Variants in TRPM3 observed in about 807,000 individuals in gnomAD.
TRPM3 encodes the protein transient receptor potential cation channel subfamily M member 3.
Under a neutral mutation model 181.2 loss-of-function variants are expected in TRPM3, and 77 were observed. The ratio of observed to expected loss-of-function variants is 0.42; its 90% CI spans 0.35 to 0.51. The LOEUF (loss-of-function observed/expected upper bound fraction) is 0.51. Ranked by LOEUF, TRPM3 falls within the 20% of genes least tolerant of loss-of-function variation. The probability of loss-of-function intolerance (pLI) is 0.01; values close to 1 mark genes in which losing one functional copy is unlikely to be tolerated. For missense variants in TRPM3, 1,759 were observed against 2,196.7 expected (o/e 0.80, Z 3.98); for synonymous variants, 745 against 796.4 (o/e 0.94, Z 1.09).
At chr9:70,793,555 A>G (rs747259497) in intron 6 of TRPM3, 9 of 467,918 alleles carry the variant, frequency 1.9e-5, no homozygotes, top group Non-Finnish European at 3.5e-5. Context: ...ATACATACAT[A>G]TATATACCCC....
chr9:70,552,669 T>C (rs1327923181), intron 24 of TRPM3, among the ~76,000 whole-genome samples, 175 bp downstream of exon 24: 2 of 152,154 alleles, frequency 1.3e-5, no homozygotes, highest in East Asian at 1.9e-4. Context: ...CTTTCTGACA[T>C]TATTTCTCAT....
intron 6 of TRPM3, among the ~76,000 whole-genome samples, chr9:70,787,763 C>CTTTTTTTTTTTTTTTTTT: frequency 1.0e-4 from 7 of 68,560 alleles, no homozygotes; most frequent in South Asian, 8.4e-4. Context: ...TTTTTGGATT[C>CTTTTTTTTTTTTTTTTTT]TTTTTTTTTT....
chr9:70,834,292 C>T (rs2094151904), intron 5 of TRPM3, among the ~76,000 whole-genome samples: 1 of 152,194 alleles, frequency 6.6e-6, no homozygotes, highest in African/African-American at 2.4e-5. Context: ...TTGCACACTG[C>T]AGAGCAGCAC....
chr9:70,923,269 A>C (rs976905441), intron 1 of TRPM3, among the ~76,000 whole-genome samples: 19 of 152,138 alleles, frequency 1.2e-4, no homozygotes, highest in African/African-American at 4.6e-4. Flanking sequence ...GTTCATGTTC[A>C]CGTTTTATAC....
intron 22 of TRPM3, among the ~76,000 whole-genome samples, chr9:70,580,928 C>T (rs1247879677): frequency 6.6e-6 from 1 of 152,198 alleles, no homozygotes; most frequent in South Asian, 2.1e-4. Flanking sequence ...CAACTTCCTT[C>T]AAAACTGAGG....
At chr9:70,697,817 T>C (rs982793453) in intron 8 of TRPM3, among the ~76,000 whole-genome samples, 1 of 152,228 alleles carries the variant, frequency 6.6e-6, no homozygotes, top group Non-Finnish European at 1.5e-5. Context: ...CAAATTCTTT[T>C]GTCTCCTCCT....
chr9:70,864,514 GA>G lies in TRPM3; in HGVS notation c.178-4del. On this transcript the variant is annotated splice_region_variant and splice_polypyrimidine_tract_variant and intron_variant, in intron 1 of 25. Coordinates refer to ENST00000677713, the MANE Select transcript of TRPM3 (RefSeq NM_001366145.2). Reference sequence around the variant, plus strand: ...CTTTCTATCCAGGATTTCTGAGCCTGAAAAAGAAAACAAAAAAAAAAAAAAA... The same window carrying G: ...CTTTCTATCCAGGATTTCTGAGCCTGAAAAGAAAACAAAAAAAAAAAAAAA... 1.7e-6 allele frequency: 1 copy of G among 590,270 alleles called. No individual in the cohort carries two copies. Among genetic ancestry groups the G allele is most frequent in the Non-Finnish European group, 2.1e-6 (1 of 466,268 alleles). The allele number at this position is 590,270 out of a possible 1,614,324, so 36.6% of individuals were successfully genotyped here.
At chr9:71,285,196 A>C (rs1160085352) in intron 1 of TRPM3, among the ~76,000 whole-genome samples, 1 of 152,194 alleles carries the variant, frequency 6.6e-6, no homozygotes, top group East Asian at 1.9e-4. Flanking sequence ...CTAAAACTGT[A>C]TAAGCTTTAG....
chr9:71,244,170 C>A (rs9785312), intron 1 of TRPM3, among the ~76,000 whole-genome samples: 41,421 of 151,988 alleles, frequency 0.27, 6,657 homozygotes, highest in African/African-American at 0.44. Context: ...GGCTTGTCCT[C>A]AAAGGGGAGG....
rs117244772 is a variant in TRPM3, at chr9:70,817,651, G to C, written c.973+10196C>G. ...CTGCCAATCTAATCTCTTACTACAT[G>C]AATACACAAGTTACTCCAAAATGGA... On this transcript the variant is annotated intron_variant, in intron 6 of 25. Transcript: ENST00000677713. Among the ~76,000 whole-genome samples, 1,200 of 152,168 alleles carry C rather than the reference G, an allele frequency of 7.9e-3. 10 individuals carry two copies. Among genetic ancestry groups the C allele is most frequent in the Middle Eastern group, 0.027 (8 of 294 alleles).
At chr9:70,921,145 C>G (rs563216381) in intron 1 of TRPM3, among the ~76,000 whole-genome samples, 3 of 152,190 alleles carry the variant, frequency 2.0e-5, no homozygotes, top group African/African-American at 7.2e-5. Flanking sequence ...TGTTCTTCAT[C>G]AAACAAATGA....
rs1564184070 is a variant in TRPM3, at chr9:70,535,821, C to T, written c.*132G>A. On this transcript the variant is annotated 3_prime_UTR_variant, in exon 26 of 26. Coordinates refer to ENST00000677713, the MANE Select transcript of TRPM3 (RefSeq NM_001366145.2). ...CCCAGAAGTCACCTTTGAGTTAACA[C>T]CTCCCAAAGCATTGCTTGTTTTGCT... 2.0e-6 allele frequency: 3 copies of T among 1,502,338 alleles called. No homozygotes were observed. Among genetic ancestry groups the T allele is most frequent in the Non-Finnish European group, 1.8e-6 (2 of 1,133,488 alleles). 93.1% of individuals were successfully genotyped at this position (1,502,338 alleles called of 1,614,324 possible). A position where few individuals can be genotyped will look rare whatever the true frequency, so the allele number is the denominator to read the frequency against.
chr9:71,365,515 A>G (rs1449399001), intron 1 of TRPM3, among the ~76,000 whole-genome samples: 1 of 152,230 alleles, frequency 6.6e-6, no homozygotes, highest in Non-Finnish European at 1.5e-5. Flanking sequence ...TACAGGTAGA[A>G]TAGATAGTAA....
chr9:70,867,180 T>C (rs1418880950), intron 1 of TRPM3, among the ~76,000 whole-genome samples: 4 of 151,982 alleles, frequency 2.6e-5, no homozygotes, highest in African/African-American at 9.7e-5. Context: ...CTTTTCTCCT[T>C]GCGGTAAAGG....
chr9:71,302,929 G>C (rs547693673), intron 1 of TRPM3, among the ~76,000 whole-genome samples: 2 of 152,132 alleles, frequency 1.3e-5, no homozygotes, highest in Admixed American at 1.3e-4. Context: ...AAGGCCTAGG[G>C]AAGATATCTC....
intron 1 of TRPM3, among the ~76,000 whole-genome samples, chr9:71,428,232 C>T (rs900756982): frequency 6.6e-6 from 1 of 150,748 alleles, no homozygotes; most frequent in Non-Finnish European, 1.5e-5. Context: ...GCTGGGATTA[C>T]AGGCGCCCGC....
chr9:71,105,983 C>T (rs534395117), intron 1 of TRPM3, among the ~76,000 whole-genome samples: 6 of 151,972 alleles, frequency 3.9e-5, no homozygotes, highest in South Asian at 2.1e-4. Flanking sequence ...ATTGAGCTTA[C>T]AGAAAAAATT....
chr9:70,976,692 T>G (rs2097306098), intron 1 of TRPM3, among the ~76,000 whole-genome samples: 1 of 152,230 alleles, frequency 6.6e-6, no homozygotes, highest in Non-Finnish European at 1.5e-5. Context: ...TCAGTAGCTG[T>G]GCAATCTCGG....
chr9:71,269,710 A>T (rs1197960962), intron 1 of TRPM3, among the ~76,000 whole-genome samples: 1 of 152,216 alleles, frequency 6.6e-6, no homozygotes, highest in African/African-American at 2.4e-5. Context: ...CCTCAGCAGG[A>T]ATGTAACTTG....
Sources: allele counts gnomAD v4.1 joint callset (sites outside exome capture counted in the v4.1 genomes callset), GRCh38; gene constraint gnomAD v4.1.1; transcripts MANE v1.5; gene names NCBI Gene and HGNC (gene_info 2026-07-23, HGNC 2026-07-21).